Variants in TAFA5 observed in about 807,000 individuals in gnomAD.
TAFA5 encodes the protein TAFA chemokine like family member 5.
Under a neutral mutation model 15.3 loss-of-function variants are expected in TAFA5, and 6 were observed. The observed-to-expected ratio is 0.39, with a 90% CI of 0.21 to 0.77. The LOEUF is 0.77. Ranked by LOEUF, TAFA5 falls within the 30% of genes least tolerant of loss-of-function variation. TAFA5 has a pLI of 0.41. For synonymous variants in TAFA5, 103 were observed against 80.7 expected, an observed-to-expected ratio of 1.28 and a Z score of -1.48; for missense variants, 161 against 193.1, an observed-to-expected ratio of 0.83 and a Z score of 0.98.
chr22:48,638,020 C>G (rs547653770), intron 1 of TAFA5, among the ~76,000 whole-genome samples: 3 of 152,082 alleles, frequency 2.0e-5, no homozygotes, highest in South Asian at 2.1e-4. Context: ...GGACATAGTG[C>G]AAGGGGCGGC....
chr22:48,736,085 TC>T lies in TAFA5; in HGVS notation c.391-13748del, dbSNP rs1450135243. Among the ~76,000 whole-genome samples the T allele has an allele frequency of 9.1e-4, 32 of 35,030 alleles. 1 individual carries two copies. The highest frequency in any genetic ancestry group is 3.9e-3 in the African/African-American group (19 of 4,898). The allele number at this position is 35,030 out of a possible 152,430, so 23.0% of individuals were successfully genotyped here. On this transcript the variant is annotated intron_variant, in intron 3 of 3. Transcript: ENST00000402357. Reference sequence around the variant, plus strand: ...ATGAGAATCGCACTCCTAGAGTCCATCCCCCCAGGAGGAATGAGAATCGCAC... The same window carrying T: ...ATGAGAATCGCACTCCTAGAGTCCATCCCCCAGGAGGAATGAGAATCGCAC...
chr22:48,677,304 G>A (rs1373935426), intron 2 of TAFA5, among the ~76,000 whole-genome samples: 2 of 152,248 alleles, frequency 1.3e-5, no homozygotes, highest in Admixed American at 1.3e-4. Flanking sequence ...CTGTGCTCCC[G>A]ACACCTTTGG....
rs1310102853 is a variant in TAFA5, at chr22:48,667,749, CTCAGGG to C, written c.262+21004_262+21009del. ...CACCGGGAGCGTTAATCCCCCAGCA[CTCAGGG>C]CCGCGTCTTCACTGGGAGCTGTAAT... is the stretch of plus-strand genomic sequence containing the variant. On this transcript the variant is annotated intron_variant, in intron 2 of 3. Coordinates refer to ENST00000402357, the MANE Select transcript of TAFA5 (RefSeq NM_001082967.3). 1.3e-5 allele frequency among the ~76,000 whole-genome samples: 2 copies of C among 150,476 alleles called. 1 individual carries two copies. Among genetic ancestry groups the C allele is most frequent in the African/African-American group, 4.9e-5 (2 of 40,778 alleles).
At chr22:48,536,398 G>A (rs868127223) in intron 1 of TAFA5, among the ~76,000 whole-genome samples, 1 of 152,362 alleles carries the variant, frequency 6.6e-6, no homozygotes, top group Middle Eastern at 3.4e-3. Context: ...GCCCGGAGAG[G>A]CAGGCCGTCC....
chr22:48,647,131 C>T (rs1210349599), intron 2 of TAFA5, among the ~76,000 whole-genome samples: 2 of 152,094 alleles, frequency 1.3e-5, no homozygotes, highest in African/African-American at 4.8e-5. Flanking sequence ...GTGGTCTGGC[C>T]GAGGCTGCCA....
At chr22:48,716,612 C>G (rs998645331) in intron 3 of TAFA5, among the ~76,000 whole-genome samples, 7 of 152,162 alleles carry the variant, frequency 4.6e-5, no homozygotes, top group Non-Finnish European at 8.8e-5. Context: ...GTGCAGCAAA[C>G]CACCGTGGCA....
At chr22:48,518,857 C>T (rs133496) in intron 1 of TAFA5, among the ~76,000 whole-genome samples, 119,149 of 152,194 alleles carry the variant, frequency 0.78, 47,317 homozygotes, top group Middle Eastern at 0.91. Context: ...AAAAGGAGAA[C>T]GGTACTTTTC....
chr22:48,681,685 AAC>A (rs1348342502), intron 2 of TAFA5, among the ~76,000 whole-genome samples: 60 of 152,102 alleles, frequency 3.9e-4, no homozygotes, highest in African/African-American at 1.3e-3. Flanking sequence ...AAAAGAAAAA[AAC>A]AGAGGCAAGA....
intron 2 of TAFA5, among the ~76,000 whole-genome samples, chr22:48,647,027 G>T (rs1601641048): frequency 6.6e-6 from 1 of 152,204 alleles, no homozygotes; most frequent in Admixed American, 6.5e-5. Context: ...CAAGGCTGTG[G>T]TTCTCTGATG....
At chr22:48,621,090 C>A in intron 1 of TAFA5, among the ~76,000 whole-genome samples, 1 of 97,882 alleles carries the variant, frequency 1.0e-5, no homozygotes, top group Non-Finnish European at 2.1e-5. Flanking sequence ...CCCACCCACC[C>A]AATCTACTAT....
At chr22:48,506,396 G>A (rs938735380) in intron 1 of TAFA5, among the ~76,000 whole-genome samples, 3 of 152,204 alleles carry the variant, frequency 2.0e-5, no homozygotes, top group East Asian at 1.9e-4. Context: ...GCCCAGCTTC[G>A]GGGAGGAGCT....
At chr22:48,624,659 C>T (rs1331525671) in intron 1 of TAFA5, among the ~76,000 whole-genome samples, 6 of 152,138 alleles carry the variant, frequency 3.9e-5, no homozygotes. Context: ...TGGCACAGCC[C>T]ATCAGTGACT....
intron 3 of TAFA5, among the ~76,000 whole-genome samples, chr22:48,720,078 T>C (rs130169): frequency 0.36 from 54,621 of 152,074 alleles, 10,195 homozygotes; most frequent in Non-Finnish European, 0.41. Flanking sequence ...AATACATAAA[T>C]GGCAAATGGC....
chr22:48,563,462 G>A (rs5768731), intron 1 of TAFA5, among the ~76,000 whole-genome samples: 31,963 of 152,174 alleles, frequency 0.21, 7,072 homozygotes, highest in African/African-American at 0.54. Flanking sequence ...GGTGTTGGCC[G>A]CATATCTGAG....
At chr22:48,680,026 C>A (rs975921713) in intron 2 of TAFA5, among the ~76,000 whole-genome samples, 2 of 152,226 alleles carry the variant, frequency 1.3e-5, no homozygotes, top group African/African-American at 2.4e-5. Flanking sequence ...TCACAGAGGC[C>A]TCGTGAGGCT....
chr22:48,593,238 G>A (rs2147158654), intron 1 of TAFA5, among the ~76,000 whole-genome samples: 1 of 152,322 alleles, frequency 6.6e-6, no homozygotes, highest in Admixed American at 6.5e-5. Context: ...GGTGTATAAA[G>A]CGGAGCATTG....
intron 1 of TAFA5, among the ~76,000 whole-genome samples, chr22:48,506,742 C>A (rs890734054): frequency 6.6e-5 from 10 of 152,242 alleles, no homozygotes; most frequent in African/African-American, 9.6e-5. Flanking sequence ...CACGGCCTTT[C>A]CTTAGCAGTG....
chr22:48,732,350 G>A (rs1053571449), intron 3 of TAFA5, among the ~76,000 whole-genome samples: 9 of 152,086 alleles, frequency 5.9e-5, no homozygotes, highest in South Asian at 2.1e-4. Flanking sequence ...TCCGCCTCCC[G>A]GGTTCACGCC....
At chr22:48,568,861 A>G (rs1923490900) in intron 1 of TAFA5, among the ~76,000 whole-genome samples, 1 of 152,168 alleles carries the variant, frequency 6.6e-6, no homozygotes, top group Non-Finnish European at 1.5e-5. Flanking sequence ...AGCAGTGCTG[A>G]GCACAGCCTC....
Sources: allele counts gnomAD v4.1 joint callset (sites outside exome capture counted in the v4.1 genomes callset), GRCh38; gene constraint gnomAD v4.1.1; transcripts MANE v1.5; gene names NCBI Gene and HGNC (gene_info 2026-07-23, HGNC 2026-07-21).